The following EPS15L1 variants were observed in gnomAD, a reference collection of about 807,000 sequenced individuals.
The protein encoded by EPS15L1 is epidermal growth factor receptor substrate 15-like 1.
EPS15L1 carries 43 observed loss-of-function variants against 117.1 expected under a neutral mutation model. That is an observed-to-expected ratio of 0.37 (90% confidence interval 0.29 to 0.47). The LOEUF (loss-of-function observed/expected upper bound fraction) is 0.47. Among genes scored for constraint, EPS15L1 ranks in the 20% least tolerant of loss-of-function variants. The probability of loss-of-function intolerance (pLI) is 0.99; values close to 1 mark genes in which losing one functional copy is unlikely to be tolerated. For missense variants in EPS15L1, 981 were observed against 1,164.0 expected (o/e 0.84, Z 2.29); for synonymous variants, 459 against 470.5 (o/e 0.98, Z 0.32).
chr19:16,464,242 G>A (rs1599695120), intron 1 of EPS15L1, among the ~76,000 whole-genome samples: 1 of 152,236 alleles, frequency 6.6e-6, no homozygotes, highest in Non-Finnish European at 1.5e-5. Context: ...CCCAAAGCTT[G>A]TAGTATCAAG....
intron 13 of EPS15L1, among the ~76,000 whole-genome samples, chr19:16,412,130 G>GTT (rs2092712382): frequency 6.6e-6 from 1 of 151,664 alleles, no homozygotes; most frequent in Non-Finnish European, 1.5e-5. Flanking sequence ...TTAATCTGTG[G>GTT]TTGGTTAGAT....
In EPS15L1 at chr19:16,381,394, G is replaced by A. The variant is rs1568403059; in HGVS notation, c.2247+3735C>T. Among the ~76,000 whole-genome samples, 1 of 152,244 alleles carries A rather than the reference G, an allele frequency of 6.6e-6. No individual in the cohort carries two copies. Among genetic ancestry groups the A allele is most frequent in the African/African-American group, 2.4e-5 (1 of 41,464 alleles). On this transcript the variant is annotated intron_variant, in intron 21 of 23. Coordinates refer to ENST00000455140, the MANE Select transcript of EPS15L1 (RefSeq NM_001258374.3). This position sits in a 1 kb window ranked among gnomAD's most constrained non-coding sequence, Gnocchi z 4.2. ...GAGGGCCACCCCAGTGGTGGGTCCA[G>A]GGCCTCGTCCTGGGCAGACTGTCCT...
chr19:16,368,698 AAC>A (rs2092175059), intron 22 of EPS15L1, among the ~76,000 whole-genome samples: 1 of 152,036 alleles, frequency 6.6e-6, no homozygotes, highest in African/African-American at 2.4e-5. Context: ...CACCCTACAT[AAC>A]ACAGACACCC....
chr19:16,466,588 C>T (rs909405037), intron 1 of EPS15L1, among the ~76,000 whole-genome samples: 10 of 152,174 alleles, frequency 6.6e-5, no homozygotes, highest in African/African-American at 1.4e-4. Context: ...ACTCACTGAA[C>T]GAACAGTGTG....
At chr19:16,465,176 C>T (rs553353713) in intron 1 of EPS15L1, among the ~76,000 whole-genome samples, 1 of 152,268 alleles carries the variant, frequency 6.6e-6, no homozygotes, top group Non-Finnish European at 1.5e-5. Context: ...GGGCCACATG[C>T]AGCCATGGGT....
rs551438167 is a variant in EPS15L1 at position 16,355,673 on chromosome 19, C to T, written c.*32G>A. 1.8e-5 allele frequency: 27 copies of T among 1,529,828 alleles called. No individual in the cohort carries two copies. In the African/African-American group the frequency reaches 2.7e-4, roughly 16 times the overall value. 94.8% of individuals were successfully genotyped at this position (1,529,828 alleles called of 1,614,324 possible). A position where few individuals can be genotyped will look rare whatever the true frequency, so the allele number is the denominator to read the frequency against. On this transcript the variant is annotated 3_prime_UTR_variant, in exon 24 of 24. Transcript: ENST00000455140. ...CACTGCCCCCTCTCTGGAACCCGCC[C>T]GTGCCCTGTCCCGCCTACACACGGC...
chr19:16,368,590 A>C (rs556760258), intron 22 of EPS15L1, among the ~76,000 whole-genome samples: 2 of 151,630 alleles, frequency 1.3e-5, no homozygotes, highest in Non-Finnish European at 2.9e-5. Flanking sequence ...CATTCCACAC[A>C]ACAGGTGGTG....
At chr19:16,431,272 T>C (rs998975004) in intron 7 of EPS15L1, among the ~76,000 whole-genome samples, 28 of 150,346 alleles carry the variant, frequency 1.9e-4, no homozygotes, top group African/African-American at 6.6e-4. Flanking sequence ...AATAAATAAA[T>C]AATACTTATA....
intron 1 of EPS15L1, among the ~76,000 whole-genome samples, chr19:16,453,478 C>T (rs1415182791): frequency 1.3e-5 from 2 of 152,046 alleles, no homozygotes; most frequent in African/African-American, 4.8e-5. Context: ...CTTTGGGAGG[C>T]CGAGGTGGGC....
chr19:16,424,307 G>A (rs1016875310), intron 9 of EPS15L1, among the ~76,000 whole-genome samples: 11 of 152,250 alleles, frequency 7.2e-5, no homozygotes, highest in African/African-American at 2.6e-4. Flanking sequence ...CCGTCGTGGG[G>A]GCAGGAGCTA....
Position 16,370,885 on chromosome 19 carries a change from A to C in EPS15L1, c.2380+6237T>G, listed in dbSNP as rs1245656832. Among the ~76,000 whole-genome samples the C allele has an allele frequency of 6.6e-6, 1 of 151,270 alleles. No homozygotes were observed. Among genetic ancestry groups the C allele is most frequent in the Non-Finnish European group, 1.5e-5 (1 of 67,818 alleles). ...TGGGGGGCGTGGGCAGGAAAGAGGG[A>C]CTCCACCTGGTTGGCCGTTTTAGGC... On this transcript the variant is annotated intron_variant, in intron 22 of 23. Coordinates refer to ENST00000455140, the MANE Select transcript of EPS15L1 (RefSeq NM_001258374.3). This position sits in a 1 kb window ranked among gnomAD's most constrained non-coding sequence, Gnocchi z 5.2.
chr19:16,414,764 C>T (rs1202819930), intron 12 of EPS15L1, among the ~76,000 whole-genome samples: 2 of 150,568 alleles, frequency 1.3e-5, no homozygotes, highest in Non-Finnish European at 2.9e-5. Context: ...GGCTGGACTG[C>T]AGTGGCACGA....
chr19:16,471,866 T>A lies in EPS15L1; in HGVS notation c.33+47A>T. On this transcript the variant is annotated intron_variant, in intron 1 of 23. Coordinates refer to ENST00000455140, the MANE Select transcript of EPS15L1 (RefSeq NM_001258374.3). This position sits in a 1 kb window ranked among gnomAD's most constrained non-coding sequence, Gnocchi z 4.8. ...CCTCAGCCTCGCCGCACCGCTCGCC[T>A]CGCGCCCCGCACCCCGGCGCCGCCC... The A allele has an allele frequency of 8.5e-7, 1 of 1,181,406 alleles. No individual in the cohort carries two copies. Among genetic ancestry groups the A allele is most frequent in the South Asian group, 2.2e-5 (1 of 45,160 alleles). The allele number at this position is 1,181,406 out of a possible 1,614,324, so 73.2% of individuals were successfully genotyped here. A position where few individuals can be genotyped will look rare whatever the true frequency, so the allele number is the denominator to read the frequency against.
chr19:16,456,350 G>A (rs2093196123), intron 1 of EPS15L1, among the ~76,000 whole-genome samples: 1 of 152,220 alleles, frequency 6.6e-6, no homozygotes, highest in Admixed American at 6.5e-5. Flanking sequence ...ATACAAAAGT[G>A]TGTAGGACAG....
intron 2 of EPS15L1, 72 bp downstream of exon 2, chr19:16,442,106 C>A: frequency 6.6e-7 from 1 of 1,518,372 alleles, no homozygotes; most frequent in Non-Finnish European, 9.1e-7. Context: ...CTCAGCCGGG[C>A]TTCTATTCTG....
rs116263856 is a variant in EPS15L1, at chr19:16,400,875, C to T, written c.1791+1446G>A. 2,619 of 985,292 alleles carry T rather than the reference C, an allele frequency of 2.7e-3. 49 individuals carry two copies. The African/African-American group carries it at 0.043, about 16-fold the overall frequency. 61.0% of individuals were successfully genotyped at this position (985,292 alleles called of 1,614,324 possible). On this transcript the variant is annotated intron_variant, in intron 16 of 23. Transcript: ENST00000455140. Reference sequence around the variant, plus strand: ...ACTGCCAACTTTTATCCAAGAAAACCGGTTTCTAAAAACCTGCAAAAGGGA... The same window carrying T: ...ACTGCCAACTTTTATCCAAGAAAACTGGTTTCTAAAAACCTGCAAAAGGGA...
Position 16,421,392 on chromosome 19 carries a change from A to G in EPS15L1, c.877T>C (p.Tyr293His). 6.2e-7 allele frequency: 1 copy of G among 1,614,142 alleles called. No homozygotes were observed. Residue 293 changes from tyrosine (Y) to histidine (H), a missense_variant, in exon 10 of 24, where the codon TAC becomes CAC. Physicochemically the swap from Tyr to His is moderately conservative, Grantham distance 83 (BLOSUM62 2). Coordinates refer to ENST00000455140, the MANE Select transcript of EPS15L1 (RefSeq NM_001258374.3). ...FLKTDLDLDG[Y>H]VSGQEVKEIF... ...TCCTTCACCTCCTGGCCACTCACGT[A>G]GCCATCCAGGTCCAGGTCGGTCTTC... is the stretch of plus-strand genomic sequence containing the variant.
intron 13 of EPS15L1, among the ~76,000 whole-genome samples, chr19:16,408,361 C>T (rs762217487): frequency 2.0e-5 from 3 of 152,164 alleles, no homozygotes; most frequent in African/African-American, 4.8e-5. Flanking sequence ...CGGTAGCTCA[C>T]GCCTGTAATG....
At chr19:16,442,075 A>G in intron 2 of EPS15L1, 94 bp from the exon 3 acceptor site, 1 of 1,471,154 alleles carries the variant, frequency 6.8e-7, no homozygotes, top group Non-Finnish European at 9.5e-7. Flanking sequence ...CTGACAGTGA[A>G]CAGAAAAGGA....
Sources: allele counts gnomAD v4.1 joint callset (sites outside exome capture counted in the v4.1 genomes callset), GRCh38; gene constraint gnomAD v4.1.1; non-coding constraint Gnocchi (gnomAD v3.1); transcripts MANE v1.5; gene names NCBI Gene and HGNC (gene_info 2026-07-23, HGNC 2026-07-21).